Variants in SIPA1L1 observed in about 807,000 individuals in gnomAD.
The protein encoded by SIPA1L1 is signal induced proliferation associated 1 like 1.
A neutral mutation model predicts 162.7 loss-of-function variants in SIPA1L1; 26 were observed. The observed-to-expected ratio is 0.16, with a 90% CI of 0.12 to 0.22. The LOEUF is 0.22. Ranked by LOEUF, SIPA1L1 falls within the 10% of genes least tolerant of loss-of-function variation. SIPA1L1 has a pLI of 1.00. For missense variants in SIPA1L1, 1,874 were observed against 2,241.0 expected, an observed-to-expected ratio of 0.84 and a Z score of 3.31; for synonymous variants, 829 against 837.4, an observed-to-expected ratio of 0.99 and a Z score of 0.17.
chr14:71,618,967 A>G, intron 6 of SIPA1L1, 80 bp downstream of exon 6: 1 of 1,455,806 alleles, frequency 6.9e-7, no homozygotes, highest in Non-Finnish European at 9.5e-7. Context: ...AAGCAATTAA[A>G]TTTAATAGCA....
chr14:71,596,060 A>T (rs1227903690), intron 5 of SIPA1L1, among the ~76,000 whole-genome samples: 1 of 152,216 alleles, frequency 6.6e-6, no homozygotes, highest in African/African-American at 2.4e-5. Context: ...GAGACTATAC[A>T]GGACTGCAAG....
At chr14:71,549,705 A>G (rs1006632798) in intron 4 of SIPA1L1, among the ~76,000 whole-genome samples, 8 of 152,162 alleles carry the variant, frequency 5.3e-5, no homozygotes, top group African/African-American at 1.9e-4. Flanking sequence ...GTTGAAGCAA[A>G]GGTTGTTAGA....
chr14:71,418,107 G>T (rs779557214), intron 2 of SIPA1L1: 1 of 152,102 alleles, frequency 6.6e-6, no homozygotes, highest in Non-Finnish European at 1.5e-5. Flanking sequence ...TTCTCACTCA[G>T]CTTTTATTTT....
chr14:71,494,931 G>A (rs1448351777), intron 2 of SIPA1L1, among the ~76,000 whole-genome samples: 4 of 151,990 alleles, frequency 2.6e-5, no homozygotes, highest in Non-Finnish European at 4.4e-5. Context: ...GAGCCACTGC[G>A]CCTGGCTCAG....
At chr14:71,620,847 C>T (rs897515408) in intron 6 of SIPA1L1, among the ~76,000 whole-genome samples, 1 of 152,228 alleles carries the variant, frequency 6.6e-6, no homozygotes, top group Non-Finnish European at 1.5e-5. Context: ...TTCTCTTCTT[C>T]TCCAGCTAAG....
At chr14:71,523,598 T>C (rs144812027) in intron 3 of SIPA1L1, among the ~76,000 whole-genome samples, 209 of 152,354 alleles carry the variant, frequency 1.4e-3, no homozygotes, top group Non-Finnish European at 2.5e-3. Flanking sequence ...CAATCCAGGA[T>C]CAAACATTAC....
rs535574710 is a variant in SIPA1L1 at position 71,580,218 on chromosome 14, G to C, written c.-302-7353G>C. Among the ~76,000 whole-genome samples, 47 of 152,258 alleles carry C rather than the reference G, an allele frequency of 3.1e-4. No individual in the cohort carries two copies. In the South Asian group the frequency reaches 8.9e-3, roughly 29 times the overall value. On this transcript the variant is annotated intron_variant, in intron 4 of 23. Coordinates refer to ENST00000381232, the MANE Select transcript of SIPA1L1 (RefSeq NM_001386936.1). ...CGATTCCTTGAGCCACTGATACCAC[G>C]TAGCACTTTAGTAAAGCTCTCCAGG...
intron 8 of SIPA1L1, among the ~76,000 whole-genome samples, chr14:71,657,656 G>A (rs146652184): frequency 1.4e-3 from 209 of 147,768 alleles, no homozygotes; most frequent in Non-Finnish European, 2.5e-3. Flanking sequence ...AGTGTTAATG[G>A]TCTTGTTAAA....
At chr14:71,447,620 G>A (rs1442582777) in intron 2 of SIPA1L1, among the ~76,000 whole-genome samples, 1 of 148,722 alleles carries the variant, frequency 6.7e-6, no homozygotes, top group Non-Finnish European at 1.5e-5. Flanking sequence ...CTGGAGTGCA[G>A]TGGCATGATC....
chr14:71,546,530 C>T lies in SIPA1L1; in HGVS notation c.-303+17160C>T, dbSNP rs563460679. Among the ~76,000 whole-genome samples the T allele has an allele frequency of 2.3e-4, 35 of 151,862 alleles. No individual in the cohort carries two copies. In the South Asian group the frequency reaches 6.0e-3, roughly 26 times the overall value. On this transcript the variant is annotated intron_variant, in intron 4 of 23. Coordinates refer to ENST00000381232, the MANE Select transcript of SIPA1L1 (RefSeq NM_001386936.1). ...CTAAGTAGCTGGGATTACAGGTGCA[C>T]GCCATCACGCCTGGCTAATTTTTGC...
At position 71,330,483 on chromosome 14, in the gene SIPA1L1, G is replaced by A. The variant is rs575303134; in HGVS notation, c.-465+9302G>A. 1.6e-5 allele frequency: 25 copies of A among 1,606,222 alleles called. No individual in the cohort carries two copies. In the East Asian group the frequency reaches 5.1e-4, roughly 33 times the overall value. On this transcript the variant is annotated intron_variant, in intron 2 of 23. Coordinates refer to ENST00000381232, the MANE Select transcript of SIPA1L1 (RefSeq NM_001386936.1). ...CCACATCATTCACAGCTAGAACTTG[G>A]TCCCCTTCCTGAAGTCCTGCTCTAT... is the stretch of plus-strand genomic sequence containing the variant.
intron 14 of SIPA1L1, 150 bp downstream of exon 14, chr14:71,699,277 A>G (rs1422821682): frequency 3.9e-6 from 3 of 778,824 alleles, no homozygotes; most frequent in African/African-American, 3.5e-5. Flanking sequence ...TCCAGATAGA[A>G]AAATGGCTTC....
chr14:71,517,249 CT>C (rs1343308814), intron 3 of SIPA1L1, among the ~76,000 whole-genome samples: 9 of 151,556 alleles, frequency 5.9e-5, no homozygotes, highest in Admixed American at 1.3e-4. Context: ...TTTTGGGAAG[CT>C]TTTAATGACT....
At chr14:71,320,779 C>A (rs1313662779) in intron 1 of SIPA1L1, among the ~76,000 whole-genome samples, 1 of 151,806 alleles carries the variant, frequency 6.6e-6, no homozygotes, top group East Asian at 2.0e-4. Flanking sequence ...GTACTGGCCG[C>A]CCCCTCAGTT....
At chr14:71,427,322 G>T (rs2043642271) in intron 2 of SIPA1L1, among the ~76,000 whole-genome samples, 2 of 151,956 alleles carry the variant, frequency 1.3e-5, no homozygotes, top group African/African-American at 4.8e-5. Context: ...TGATAGGTTT[G>T]TTTGTTTGTT....
At chr14:71,622,215 TATAA>T (rs755019485) in intron 6 of SIPA1L1, among the ~76,000 whole-genome samples, 1 of 152,240 alleles carries the variant, frequency 6.6e-6, no homozygotes, top group African/African-American at 2.4e-5. Flanking sequence ...TTCATTTTAG[TATAA>T]ATAAACATTG....
chr14:71,627,131 C>CTT lies in SIPA1L1; in HGVS notation c.1818+2937_1818+2938dup, dbSNP rs71105788. 1.7e-3 allele frequency among the ~76,000 whole-genome samples: 85 copies of CTT among 48,768 alleles called. 5 individuals are homozygous for CTT. The highest frequency in any genetic ancestry group is 2.6e-3 in the East Asian group (3 of 1,174). The allele number at this position is 48,768 out of a possible 152,430, so 32.0% of individuals were successfully genotyped here. A position where few individuals can be genotyped will look rare whatever the true frequency, so the allele number is the denominator to read the frequency against. ...TGATGCCTTTCTGGGACTTTCACTA[C>CTT]TTTTTTTTTTTTTTTTTTTTTTTTT... On this transcript the variant is annotated intron_variant, in intron 7 of 23. Transcript: ENST00000381232.
chr14:71,329,725 G>A (rs916285846), intron 2 of SIPA1L1, among the ~76,000 whole-genome samples: 1 of 151,984 alleles, frequency 6.6e-6, no homozygotes, highest in Non-Finnish European at 1.5e-5. Context: ...TCATATTCTC[G>A]TTGGCCATTT....
At chr14:71,587,520 T>A in intron 4 of SIPA1L1, 51 bp from the exon 5 acceptor site, 1 of 404,778 alleles carries the variant, frequency 2.5e-6, no homozygotes, top group Non-Finnish European at 4.4e-6. Context: ...ATTGCATGTT[T>A]GTTTTTAGAT....
Sources: gnomAD v4.1 joint callset for allele counts (sites outside exome capture counted in the v4.1 genomes callset) on GRCh38, gnomAD v4.1.1 for gene constraint, MANE v1.5 for transcripts, NCBI Gene and HGNC (gene_info 2026-07-23, HGNC 2026-07-21) for gene names.